Variants in PIGN observed in about 807,000 individuals in gnomAD.
PIGN encodes phosphatidylinositol glycan anchor biosynthesis class N, also known as GPI ethanolamine phosphate transferase 1.
In PIGN, 117 loss-of-function variants were observed where a neutral mutation model predicts 125.4. That is an observed-to-expected ratio of 0.93 (90% CI 0.80 to 1.09). PIGN has a LOEUF of 1.09. Among genes scored for constraint, PIGN ranks in the 50% least tolerant of loss-of-function variants. PIGN has a pLI of 0.00. For synonymous variants in PIGN, 392 were observed against 377.8 expected (o/e 1.04, Z -0.44); for missense variants, 1,075 against 1,094.9 (o/e 0.98, Z 0.26).
intron 23 of PIGN, among the ~76,000 whole-genome samples, chr18:62,022,916 A>C (rs1341084104): frequency 1.3e-5 from 2 of 152,210 alleles, no homozygotes; most frequent in Non-Finnish European, 2.9e-5. Context: ...ACCTATGCAT[A>C]TCCTCCCATA....
chr18:62,159,802 T>C (rs1037227009), intron 4 of PIGN, among the ~76,000 whole-genome samples: 5 of 97,492 alleles, frequency 5.1e-5, no homozygotes, highest in Admixed American at 1.2e-4. Context: ...GGAACTTTCA[T>C]GATGGAAGTA....
chr18:62,039,056 G>A (rs975049542), downstream of PIGN, among the ~76,000 whole-genome samples: 4 of 151,934 alleles, frequency 2.6e-5, no homozygotes, highest in African/African-American at 9.7e-5. Flanking sequence ...GAGTGAAAGA[G>A]CAGAGAGAGA....
chr18:62,083,742 T>A (rs1447805851), intron 27 of PIGN, among the ~76,000 whole-genome samples: 2 of 152,168 alleles, frequency 1.3e-5, no homozygotes, highest in African/African-American at 2.4e-5. Context: ...CAACATGTTT[T>A]AAAATAACTC....
intron 30 of PIGN, among the ~76,000 whole-genome samples, chr18:62,061,349 A>G (rs1455188646): frequency 6.6e-6 from 1 of 151,740 alleles, no homozygotes; most frequent in Non-Finnish European, 1.5e-5. Context: ...GACTACATTC[A>G]CGGGGCAGTC....
chr18:62,079,751 C>A, intron 28 of PIGN, among the ~76,000 whole-genome samples: 1 of 149,562 alleles, frequency 6.7e-6, no homozygotes. Context: ...AGCTGAAATC[C>A]ATAGACTTTA....
chr18:62,056,527 G>C (rs1020669957), intron 30 of PIGN, among the ~76,000 whole-genome samples: 6 of 149,460 alleles, frequency 4.0e-5, no homozygotes, highest in Non-Finnish European at 8.9e-5. Flanking sequence ...TTTTTAAACC[G>C]AGAAAATACT....
At chr18:62,185,302 G>C (rs997012473) in intron 1 of PIGN, among the ~76,000 whole-genome samples, 7 of 152,010 alleles carry the variant, frequency 4.6e-5, no homozygotes, top group African/African-American at 1.7e-4. Context: ...ATTCTATTTG[G>C]GGGGATTTTT....
intron 23 of PIGN, among the ~76,000 whole-genome samples, chr18:62,022,799 A>G (rs1436982442): frequency 6.6e-6 from 1 of 152,244 alleles, no homozygotes; most frequent in Non-Finnish European, 1.5e-5. Flanking sequence ...TTGTTAGTAC[A>G]GTCATCCCTT....
intron 9 of PIGN, among the ~76,000 whole-genome samples, 190 bp from the exon 10 acceptor site, chr18:62,146,215 CA>C (rs1479681363): frequency 6.6e-6 from 1 of 152,092 alleles, no homozygotes; most frequent in Non-Finnish European, 1.5e-5. Context: ...GTTAGAGAAA[CA>C]ACAACAAACA....
intron 23 of PIGN, among the ~76,000 whole-genome samples, chr18:62,023,951 T>C (rs778766164): frequency 2.0e-5 from 3 of 152,206 alleles, no homozygotes; most frequent in Non-Finnish European, 4.4e-5. Context: ...AATTTGAATG[T>C]GCTGTTGAGG....
chr18:62,138,944 G>T, intron 13 of PIGN, 39 bp downstream of exon 13: 1 of 990,904 alleles, frequency 1.0e-6, no homozygotes, highest in Non-Finnish European at 1.5e-6. Flanking sequence ...TTGTAGTATT[G>T]TCCATTTTTG....
intron 24 of PIGN, among the ~76,000 whole-genome samples, chr18:62,090,166 T>C (rs998740915): frequency 2.0e-5 from 3 of 152,106 alleles, no homozygotes; most frequent in African/African-American, 7.2e-5. Flanking sequence ...ATGTGAAATA[T>C]GAAGAAAATA....
At chr18:62,112,280 A>G (rs2034909742) in intron 16 of PIGN, among the ~76,000 whole-genome samples, 1 of 152,200 alleles carries the variant, frequency 6.6e-6, no homozygotes, top group Admixed American at 6.6e-5. Context: ...CTTCCATTAC[A>G]GAATAATAAA....
At chr18:62,096,168 G>A (rs2034179203) in intron 22 of PIGN, among the ~76,000 whole-genome samples, 1 of 151,966 alleles carries the variant, frequency 6.6e-6, no homozygotes, top group Admixed American at 6.6e-5. Context: ...GGTGGCAGGC[G>A]CCTGTAATCC....
In PIGN at chr18:62,068,117, T is replaced by TG. The variant is rs3081445; in HGVS notation, c.2672+4555_2672+4556insC. Among the ~76,000 whole-genome samples, 266 of 151,692 alleles carry TG rather than the reference T, an allele frequency of 1.8e-3. 1 individual carries two copies. The highest frequency in any genetic ancestry group is 5.7e-3 in the African/African-American group (236 of 41,450). ...CCAGGTCTTTGTTTGTTTGTTTGTT[T>TG]TTTTGTCTCTTTAGAGGTGTCTTCT... On this transcript the variant is annotated intron_variant, in intron 30 of 30. Transcript: ENST00000640252.
chr18:62,067,220 T>G (rs1264721628), intron 30 of PIGN, among the ~76,000 whole-genome samples: 3 of 152,210 alleles, frequency 2.0e-5, no homozygotes, highest in African/African-American at 7.2e-5. Flanking sequence ...TGTTTATGCA[T>G]GCACCCATTT....
chr18:62,034,785 G>C (rs972691219), intron 23 of PIGN, among the ~76,000 whole-genome samples: 1 of 152,180 alleles, frequency 6.6e-6, no homozygotes, highest in Non-Finnish European at 1.5e-5. Flanking sequence ...AAAGGAAGGG[G>C]ACTTGCCTTG....
chr18:62,051,444 C>T (rs56029251), intron 30 of PIGN, among the ~76,000 whole-genome samples: 13,102 of 151,954 alleles, frequency 0.086, 1,815 homozygotes, highest in African/African-American at 0.3. Flanking sequence ...GTGTATGTGT[C>T]GAGGAATTTA....
chr18:62,164,126 A>G (rs1462351969), intron 1 of PIGN, among the ~76,000 whole-genome samples: 1 of 152,206 alleles, frequency 6.6e-6, no homozygotes, highest in Non-Finnish European at 1.5e-5. Flanking sequence ...TGTGAGTGAT[A>G]TTATGAACAT....
Sources: allele counts gnomAD v4.1 joint callset (sites outside exome capture counted in the v4.1 genomes callset), GRCh38; gene constraint gnomAD v4.1.1; transcripts MANE v1.5; gene names NCBI Gene and HGNC (gene_info 2026-07-23, HGNC 2026-07-21).